CSMD1: variants seen among roughly 807,000 people sequenced by gnomAD.
CSMD1 encodes CUB and Sushi multiple domains 1.
Under a neutral mutation model 417.5 loss-of-function variants are expected in CSMD1, and 213 were observed. That is an observed-to-expected ratio of 0.51 (90% CI 0.46 to 0.57). The LOEUF (loss-of-function observed/expected upper bound fraction) is 0.57, where lower values mean the gene tolerates loss of function less well. Ranked by LOEUF, CSMD1 falls within the 20% of genes least tolerant of loss-of-function variation. CSMD1 has a pLI of 0.00. For synonymous variants in CSMD1, 2,862 were observed against 1,736.8 expected (o/e 1.65, Z -16.11); for missense variants, 6,923 against 4,529.7 (o/e 1.53, Z -15.17).
intron 2 of CSMD1, among the ~76,000 whole-genome samples, chr8:4,589,437 C>G (rs80213987): frequency 0.025 from 3,728 of 152,134 alleles, 78 homozygotes; most frequent in Middle Eastern, 0.044. Context: ...TTTACCAATA[C>G]TAAGAATTAA....
intron 10 of CSMD1, among the ~76,000 whole-genome samples, chr8:3,496,697 G>C (rs1796378984): frequency 6.6e-6 from 1 of 152,106 alleles, no homozygotes; most frequent in South Asian, 2.1e-4. Flanking sequence ...ATGGTGGCGT[G>C]TGCCTATAGC....
chr8:3,535,765 C>T (rs1224372256), intron 10 of CSMD1, among the ~76,000 whole-genome samples: 1 of 152,152 alleles, frequency 6.6e-6, no homozygotes, highest in Non-Finnish European at 1.5e-5. Flanking sequence ...CTTGGCAGTT[C>T]ACACCTTCCC....
intron 1 of CSMD1, among the ~76,000 whole-genome samples, chr8:4,899,696 T>G (rs375236069): frequency 6.6e-6 from 1 of 152,314 alleles, no homozygotes; most frequent in South Asian, 2.1e-4. Context: ...AAAATGTGTA[T>G]AGTTAAAAAT....
At chr8:3,308,167 C>A (rs145362748) in intron 24 of CSMD1, 145 bp downstream of exon 24, 1 of 655,776 alleles carries the variant, frequency 1.5e-6, no homozygotes. Context: ...CTCACAGACA[C>A]GTGCAAATCT....
intron 3 of CSMD1, among the ~76,000 whole-genome samples, chr8:4,083,857 A>G (rs1313081619): frequency 3.9e-5 from 6 of 152,182 alleles, no homozygotes; most frequent in Admixed American, 6.5e-5. Flanking sequence ...TAATTAAACT[A>G]AAGAGCTTCT....
chr8:4,888,789 A>T lies in CSMD1; in HGVS notation c.85+105543T>A, dbSNP rs10105452. ...AGAACATTTCCAAAAATCACAGGAC[A>T]TATCAAAAGGTCACAAAGGCCAACT... On this transcript the variant is annotated intron_variant, in intron 1 of 69. Coordinates refer to ENST00000635120, the MANE Select transcript of CSMD1 (RefSeq NM_033225.6). 2.0e-5 allele frequency among the ~76,000 whole-genome samples: 3 copies of T among 151,994 alleles called. No individual in the cohort carries two copies. In the South Asian group the frequency reaches 6.2e-4, roughly 31 times the overall value.
intron 23 of CSMD1, among the ~76,000 whole-genome samples, chr8:3,325,827 C>T (rs1362523879): frequency 1.3e-5 from 2 of 151,570 alleles, no homozygotes; most frequent in Non-Finnish European, 2.9e-5. Context: ...CCGTCTCAAA[C>T]AAAAACAAAA....
chr8:4,587,923 T>C (rs971123380), intron 2 of CSMD1, among the ~76,000 whole-genome samples: 4 of 152,216 alleles, frequency 2.6e-5, no homozygotes, highest in Non-Finnish European at 4.4e-5. Context: ...TTAAACTCAC[T>C]TCCAGTGATA....
chr8:4,894,566 A>ATAG (rs1554513140), intron 1 of CSMD1, among the ~76,000 whole-genome samples: 47 of 150,032 alleles, frequency 3.1e-4, no homozygotes, highest in Non-Finnish European at 1.0e-4. Context: ...AAAGAAAAAA[A>ATAG]AAAAAAAAAG....
intron 4 of CSMD1, among the ~76,000 whole-genome samples, chr8:4,025,330 A>T (rs1338248198): frequency 6.6e-6 from 1 of 152,200 alleles, no homozygotes; most frequent in Non-Finnish European, 1.5e-5. Context: ...TCCAGTCAGG[A>T]AGAATACCTT....
intron 3 of CSMD1, among the ~76,000 whole-genome samples, chr8:4,193,607 C>G (rs114672138): frequency 1.1e-3 from 168 of 152,216 alleles, no homozygotes; most frequent in African/African-American, 3.8e-3. Flanking sequence ...ACCGGGCCCT[C>G]TGAGGAGCCA....
chr8:3,493,324 G>A (rs1796215090), intron 11 of CSMD1, among the ~76,000 whole-genome samples: 1 of 151,106 alleles, frequency 6.6e-6, no homozygotes, highest in Non-Finnish European at 1.5e-5. Context: ...GGGGGGCGGA[G>A]GGGTTGATTT....
chr8:3,574,539 G>T (rs1385989062), intron 10 of CSMD1, among the ~76,000 whole-genome samples: 2 of 152,162 alleles, frequency 1.3e-5, no homozygotes, highest in African/African-American at 4.8e-5. Context: ...GAGCGACTGA[G>T]CCCGGCCAAA....
chr8:3,795,708 TCAA>T lies in CSMD1; in HGVS notation c.819-41669_819-41667del, dbSNP rs1800045131. Among the ~76,000 whole-genome samples, 6 of 39,632 alleles carry T rather than the reference TCAA, an allele frequency of 1.5e-4. 3 individuals are homozygous for T. Among genetic ancestry groups the T allele is most frequent in the Non-Finnish European group, 2.0e-4 (4 of 20,426 alleles). The allele number at this position is 39,632 out of a possible 152,430, so 26.0% of individuals were successfully genotyped here. A position where few individuals can be genotyped will look rare whatever the true frequency, so the allele number is the denominator to read the frequency against. On this transcript the variant is annotated intron_variant, in intron 5 of 69. Transcript: ENST00000635120. ...ATGTATAGATATAGATATATATCTA[TCAA>T]GTACAGCTATAGATATCTATCATGT...
intron 10 of CSMD1, among the ~76,000 whole-genome samples, chr8:3,572,656 T>G (rs17066423): frequency 0.019 from 2,964 of 152,300 alleles, 92 homozygotes; most frequent in African/African-American, 0.068. Flanking sequence ...CCTCTCAAAT[T>G]GCAGAAGTAA....
At chr8:3,418,803 G>C (rs1230525425) in intron 12 of CSMD1, among the ~76,000 whole-genome samples, 1 of 152,172 alleles carries the variant, frequency 6.6e-6, no homozygotes. Context: ...TAGGAAATGA[G>C]AAGGAAGAAT....
chr8:3,628,876 A>T (rs35906766), intron 7 of CSMD1, among the ~76,000 whole-genome samples: 55,792 of 149,954 alleles, frequency 0.37, 10,443 homozygotes, highest in Middle Eastern at 0.48. Context: ...AAGTTTTTTT[A>T]AAAAGATTAT....
intron 2 of CSMD1, among the ~76,000 whole-genome samples, chr8:4,526,861 T>C (rs1388862897): frequency 2.0e-5 from 3 of 152,186 alleles, no homozygotes; most frequent in Admixed American, 6.5e-5. Flanking sequence ...CAAGAAGACA[T>C]AGGATATTTA....
At chr8:3,667,214 C>T (rs1465551477) in intron 7 of CSMD1, among the ~76,000 whole-genome samples, 1 of 152,016 alleles carries the variant, frequency 6.6e-6, no homozygotes, top group Non-Finnish European at 1.5e-5. Context: ...AACATTTACA[C>T]ATTATATAAT....
Sources: gnomAD v4.1 joint callset for allele counts (sites outside exome capture counted in the v4.1 genomes callset) on GRCh38, gnomAD v4.1.1 for gene constraint, MANE v1.5 for transcripts, NCBI Gene and HGNC (gene_info 2026-07-23, HGNC 2026-07-21) for gene names.